The following ATG13 variants were observed in gnomAD, a reference collection of about 807,000 sequenced individuals.
ATG13 encodes the protein autophagy-related protein 13.
ATG13 carries 23 observed loss-of-function variants against 65.5 expected under a neutral mutation model. That is an observed-to-expected ratio of 0.35 (90% CI 0.25 to 0.50). The LOEUF (loss-of-function observed/expected upper bound fraction) is 0.50, where lower values mean the gene tolerates loss of function less well. ATG13 is among the 20% of genes least tolerant of loss of function. The probability of loss-of-function intolerance (pLI) is 0.98; values close to 1 mark genes in which losing one functional copy is unlikely to be tolerated. For synonymous variants in ATG13, 252 were observed against 245.2 expected (o/e 1.03, Z -0.26); for missense variants, 566 against 677.0 (o/e 0.84, Z 1.82).
At position 46,617,598 on chromosome 11, in the gene ATG13, C is replaced by T. The variant is rs183754521; in HGVS notation, c.-362C>T. 36 of 227,598 alleles carry T rather than the reference C, an allele frequency of 1.6e-4. No individual in the cohort carries two copies. The East Asian group carries it at 2.8e-3, about 18-fold the overall frequency. 14.1% of individuals were successfully genotyped at this position (227,598 alleles called of 1,614,324 possible). The stretch of plus-strand genomic sequence containing the variant: ...AAAACAAACACTAACGATGGCGGCG[C>T]CGGGAAGCGACCGGCTGCTGGGCTT... On this transcript the variant is annotated 5_prime_UTR_variant, in exon 1 of 19. Coordinates refer to ENST00000683050, the MANE Select transcript of ATG13 (RefSeq NM_001346311.2).
At chr11:46,643,550 T>C (rs1201858092) in intron 2 of ATG13, among the ~76,000 whole-genome samples, 1 of 152,112 alleles carries the variant, frequency 6.6e-6, no homozygotes, top group Non-Finnish European at 1.5e-5. Context: ...TTGTTCATGC[T>C]CGTCTCTCTC....
chr11:46,618,250 C>T lies in ATG13; in HGVS notation c.-70+360C>T, dbSNP rs145820625. 1.3e-3 allele frequency: 240 copies of T among 190,860 alleles called. 1 individual carries two copies. The highest frequency in any genetic ancestry group is 5.2e-3 in the African/African-American group (223 of 43,184). The allele number at this position is 190,860 out of a possible 1,614,324, so 11.8% of individuals were successfully genotyped here. Reference sequence around the variant, plus strand: ...ATTTGCTGAGTGCCAAATATGTACTCCGCGTGTAGGTGAGGGTGACTGTTG... The same window carrying T: ...ATTTGCTGAGTGCCAAATATGTACTTCGCGTGTAGGTGAGGGTGACTGTTG... On this transcript the variant is annotated intron_variant, in intron 1 of 18. Coordinates refer to ENST00000683050, the MANE Select transcript of ATG13 (RefSeq NM_001346311.2).
chr11:46,636,083 C>A (rs2053849056), intron 2 of ATG13, among the ~76,000 whole-genome samples: 1 of 152,070 alleles, frequency 6.6e-6, no homozygotes, highest in South Asian at 2.1e-4. Flanking sequence ...GCCAGATCTA[C>A]AAATGATAGA....
chr11:46,642,082 G>A (rs771681121), intron 2 of ATG13, among the ~76,000 whole-genome samples: 2 of 151,390 alleles, frequency 1.3e-5, no homozygotes, highest in Non-Finnish European at 2.9e-5. Context: ...CACCGTGCCC[G>A]ACCAAAAAAA....
chr11:46,635,169 G>A (rs2053525543), intron 2 of ATG13, among the ~76,000 whole-genome samples: 1 of 151,690 alleles, frequency 6.6e-6, no homozygotes, highest in Non-Finnish European at 1.5e-5. Context: ...ACCACTCCTG[G>A]CTAATTTTTG....
intron 1 of ATG13, among the ~76,000 whole-genome samples, chr11:46,619,154 C>T (rs1342713620): frequency 6.6e-6 from 1 of 152,114 alleles, no homozygotes; most frequent in Middle Eastern, 3.4e-3. Flanking sequence ...TGCTTCCTAT[C>T]AAATTGTGGA....
intron 10 of ATG13, 89 bp from the exon 11 acceptor site, chr11:46,659,303 G>T: frequency 9.9e-7 from 1 of 1,014,734 alleles, no homozygotes; most frequent in Non-Finnish European, 1.5e-6. Context: ...CTTAGCACAG[G>T]TCCCATCTCT....
At chr11:46,626,854 C>G (rs2049850114) in intron 1 of ATG13, among the ~76,000 whole-genome samples, 1 of 152,102 alleles carries the variant, frequency 6.6e-6, no homozygotes, top group Non-Finnish European at 1.5e-5. Context: ...TGCACAGCTC[C>G]CTTTGAAACC....
intron 2 of ATG13, among the ~76,000 whole-genome samples, chr11:46,636,958 A>T (rs1211769350): frequency 1.3e-5 from 2 of 151,766 alleles, no homozygotes; most frequent in East Asian, 3.9e-4. Flanking sequence ...CGATCTCTTG[A>T]CCTTGTAATT....
intron 2 of ATG13, among the ~76,000 whole-genome samples, chr11:46,630,662 T>C (rs538644032): frequency 6.7e-6 from 1 of 149,896 alleles, no homozygotes; most frequent in African/African-American, 2.5e-5. Context: ...AGCCTTGACC[T>C]TCCAGCTCAA....
chr11:46,659,306 C>T, intron 10 of ATG13, 86 bp from the exon 11 acceptor site: 2 of 1,044,408 alleles, frequency 1.9e-6, no homozygotes, highest in East Asian at 2.4e-5. Context: ...AGCACAGGTC[C>T]CATCTCTATC....
chr11:46,645,711 G>A (rs2057346023), intron 4 of ATG13, among the ~76,000 whole-genome samples, 159 bp from the exon 5 acceptor site: 1 of 152,110 alleles, frequency 6.6e-6, no homozygotes, highest in Non-Finnish European at 1.5e-5. Flanking sequence ...TGAGATTTGG[G>A]GCTTTGATGC....
At chr11:46,643,116 A>T (rs1358303624) in intron 2 of ATG13, among the ~76,000 whole-genome samples, 2 of 152,144 alleles carry the variant, frequency 1.3e-5, no homozygotes, top group African/African-American at 4.8e-5. Context: ...ATTGGTTGAT[A>T]CAGCTGACCC....
intron 2 of ATG13, among the ~76,000 whole-genome samples, chr11:46,630,678 C>T (rs1024181884): frequency 4.0e-5 from 6 of 150,048 alleles, no homozygotes; most frequent in African/African-American, 1.5e-4. Flanking sequence ...CTCAAGCAAT[C>T]TGCCTACCTC....
intron 14 of ATG13, 49 bp from the exon 15 acceptor site, chr11:46,667,724 G>A (rs201954270): frequency 3.9e-5 from 57 of 1,448,528 alleles, no homozygotes; most frequent in East Asian, 1.6e-4. Flanking sequence ...GAACTAAGTC[G>A]TCCTGCTGTG....
intron 7 of ATG13, among the ~76,000 whole-genome samples, chr11:46,651,173 A>C (rs563428297): frequency 1.3e-5 from 2 of 152,320 alleles, no homozygotes; most frequent in South Asian, 4.1e-4. Context: ...GGTTTAATGT[A>C]GTGAGGAAAA....
intron 7 of ATG13, 146 bp from the exon 8 acceptor site, chr11:46,656,087 T>C (rs539969983): frequency 1.5e-6 from 1 of 661,668 alleles, no homozygotes; most frequent in South Asian, 2.0e-5. Context: ...ATTGAAGTAG[T>C]AGGAATTACT....
intron 5 of ATG13, among the ~76,000 whole-genome samples, chr11:46,647,431 C>G (rs1164668309): frequency 1.3e-5 from 2 of 151,780 alleles, no homozygotes; most frequent in African/African-American, 4.8e-5. Flanking sequence ...GTGCGTGCCA[C>G]CATGCCTGGC....
chr11:46,629,787 C>T (rs913041331), intron 1 of ATG13: 1 of 152,128 alleles, frequency 6.6e-6, no homozygotes, highest in Non-Finnish European at 1.5e-5. Flanking sequence ...ATACAAGCTC[C>T]ATAATATCAT....
Sources: allele counts gnomAD v4.1 joint callset (sites outside exome capture counted in the v4.1 genomes callset), GRCh38; gene constraint gnomAD v4.1.1; transcripts MANE v1.5; gene names NCBI Gene and HGNC (gene_info 2026-07-23, HGNC 2026-07-21).